Variants in NRG3 observed in about 807,000 individuals in gnomAD.
NRG3 encodes neuregulin 3, also known as pro-neuregulin-3, membrane-bound isoform.
A neutral mutation model predicts 66.9 loss-of-function variants in NRG3; 31 were observed. That is an observed-to-expected ratio of 0.46 (90% CI 0.35 to 0.63). The LOEUF (loss-of-function observed/expected upper bound fraction) is 0.63. Ranked by LOEUF, NRG3 falls within the 20% of genes least tolerant of loss-of-function variation. The pLI is 0.00. For synonymous variants in NRG3, 393 were observed against 359.4 expected (o/e 1.09, Z -1.06); for missense variants, 910 against 878.9 (o/e 1.04, Z -0.45).
chr10:82,342,717 G>C (rs2082746967), intron 1 of NRG3, among the ~76,000 whole-genome samples: 1 of 151,992 alleles, frequency 6.6e-6, no homozygotes, highest in Non-Finnish European at 1.5e-5. Flanking sequence ...TCTGTAGGCT[G>C]TCTGTTTACT....
intron 2 of NRG3, among the ~76,000 whole-genome samples, chr10:82,565,125 T>C (rs2045314409): frequency 6.6e-6 from 1 of 152,036 alleles, no homozygotes; most frequent in Admixed American, 6.6e-5. Flanking sequence ...AGACCTAAGA[T>C]GGAATAATAT....
intron 1 of NRG3, among the ~76,000 whole-genome samples, chr10:82,102,548 CT>C (rs2066824263): frequency 6.6e-6 from 1 of 150,746 alleles, no homozygotes; most frequent in Non-Finnish European, 1.5e-5. Context: ...CACTTTCCTG[CT>C]TTTTGGGGGC....
At chr10:82,395,481 G>T (rs2135998461) in intron 2 of NRG3, among the ~76,000 whole-genome samples, 1 of 152,112 alleles carries the variant, frequency 6.6e-6, no homozygotes, top group South Asian at 2.1e-4. Flanking sequence ...CACACAGCTG[G>T]GATAATACCT....
chr10:82,050,483 CTCATTGGTATGGG>C (rs2063539395), intron 1 of NRG3, among the ~76,000 whole-genome samples: 1 of 151,868 alleles, frequency 6.6e-6, no homozygotes, highest in South Asian at 2.1e-4. Flanking sequence ...GTTCAGGATT[CTCATTGGTATGGG>C]ATTTGTGCTG....
chr10:81,977,027 A>T (rs1197371366), intron 1 of NRG3, among the ~76,000 whole-genome samples: 1 of 152,224 alleles, frequency 6.6e-6, no homozygotes, highest in Non-Finnish European at 1.5e-5. Flanking sequence ...TTTAGCACAA[A>T]TACAACAATG....
At chr10:82,453,469 C>T (rs1159409560) in intron 2 of NRG3, among the ~76,000 whole-genome samples, 3 of 152,018 alleles carry the variant, frequency 2.0e-5, no homozygotes, top group African/African-American at 7.2e-5. Context: ...TGACCATTTC[C>T]AGGGTTTGTT....
At chr10:82,643,841 T>G (rs1420720057) in intron 2 of NRG3, among the ~76,000 whole-genome samples, 1 of 150,994 alleles carries the variant, frequency 6.6e-6, no homozygotes, top group Non-Finnish European at 1.5e-5. Context: ...CTCCTCCGTT[T>G]CTTTTGAATT....
In NRG3 at chr10:82,779,633, C is replaced by T. The variant is rs184998116; in HGVS notation, c.1027+40983C>T. 1.7e-3 allele frequency among the ~76,000 whole-genome samples: 259 copies of T among 152,042 alleles called. 2 individuals are homozygous for T. The highest frequency in any genetic ancestry group is 4.7e-4 in the Non-Finnish European group (32 of 67,986). ...CATATTTTTTCTGCTAAGTTCCTGC[C>T]GGAAGTTTTATTATGATTATTATAT... On this transcript the variant is annotated intron_variant, in intron 3 of 8. Coordinates refer to ENST00000372141, the MANE Select transcript of NRG3 (RefSeq NM_001010848.4).
At chr10:81,919,544 C>A in intron 1 of NRG3, among the ~76,000 whole-genome samples, 1 of 152,026 alleles carries the variant, frequency 6.6e-6, no homozygotes, top group East Asian at 1.9e-4. Context: ...TAATCCATTG[C>A]TTCAAAGAAT....
In NRG3 at chr10:82,006,059, C is replaced by T. The variant is rs983798286; in HGVS notation, c.823+129896C>T. Among the ~76,000 whole-genome samples, 8 of 152,014 alleles carry T rather than the reference C, an allele frequency of 5.3e-5. 1 individual carries two copies. Among genetic ancestry groups the T allele is most frequent in the Admixed American group, 5.2e-4 (8 of 15,250 alleles). On this transcript the variant is annotated intron_variant, in intron 1 of 8. Transcript: ENST00000372141. ...TTCAGCTGTGTAATGCTAAATAGAT[C>T]TTCAGGTTACCATCTTATCTATTAT...
At chr10:81,947,894 T>C (rs1189326528) in intron 1 of NRG3, among the ~76,000 whole-genome samples, 1 of 152,102 alleles carries the variant, frequency 6.6e-6, no homozygotes, top group Non-Finnish European at 1.5e-5. Context: ...CCCGTATTTG[T>C]ATTGTGTTGG....
chr10:81,884,685 G>A (rs1842469768), intron 1 of NRG3, among the ~76,000 whole-genome samples: 4 of 152,082 alleles, frequency 2.6e-5, no homozygotes, highest in Admixed American at 2.6e-4. Flanking sequence ...GCAAATACCA[G>A]GCCATTTTAT....
At chr10:82,820,195 A>G (rs1565349836) in intron 3 of NRG3, among the ~76,000 whole-genome samples, 1 of 152,234 alleles carries the variant, frequency 6.6e-6, no homozygotes, top group Non-Finnish European at 1.5e-5. Context: ...CTTAGAACCT[A>G]GATCTATCAG....
intron 1 of NRG3, among the ~76,000 whole-genome samples, chr10:81,997,841 C>T (rs180730423): frequency 7.9e-4 from 116 of 147,760 alleles, no homozygotes; most frequent in African/African-American, 2.8e-3. Context: ...TATATGTCTG[C>T]CCCCCACCCC....
At chr10:82,623,837 C>T (rs1433857209) in intron 2 of NRG3, among the ~76,000 whole-genome samples, 1 of 152,126 alleles carries the variant, frequency 6.6e-6, no homozygotes, top group Non-Finnish European at 1.5e-5. Context: ...TCATTCTATG[C>T]CCCTAGTCTA....
chr10:82,939,747 G>T (rs10159556), intron 4 of NRG3, among the ~76,000 whole-genome samples: 54,814 of 151,674 alleles, frequency 0.36, 10,279 homozygotes, highest in East Asian at 0.63. Flanking sequence ...GAGATTACGG[G>T]TGTGAGCCAC....
intron 1 of NRG3, among the ~76,000 whole-genome samples, chr10:82,279,103 C>T (rs974798163): frequency 6.6e-6 from 1 of 152,160 alleles, no homozygotes; most frequent in Admixed American, 6.6e-5. Flanking sequence ...GAACCTAACT[C>T]AATGCCCAGT....
chr10:82,626,075 C>T (rs1031228174), intron 2 of NRG3, among the ~76,000 whole-genome samples: 2 of 152,088 alleles, frequency 1.3e-5, no homozygotes, highest in East Asian at 3.9e-4. Context: ...AGGGCTTTGC[C>T]ATCACTGAAG....
intron 1 of NRG3, among the ~76,000 whole-genome samples, chr10:82,218,889 A>C (rs1282422760): frequency 6.6e-6 from 1 of 152,156 alleles, no homozygotes; most frequent in Non-Finnish European, 1.5e-5. Flanking sequence ...AGCTGATTGC[A>C]TCTAGGGAAG....
Sources: allele counts gnomAD v4.1 joint callset (sites outside exome capture counted in the v4.1 genomes callset), GRCh38; gene constraint gnomAD v4.1.1; transcripts MANE v1.5; gene names NCBI Gene and HGNC (gene_info 2026-07-23, HGNC 2026-07-21).